SRBD1: variants seen among roughly 807,000 people sequenced by gnomAD.
SRBD1 encodes the protein S1 RNA-binding domain-containing protein 1.
A neutral mutation model predicts 115.3 loss-of-function variants in SRBD1; 88 were observed. That is an observed-to-expected ratio of 0.76 (90% CI 0.64 to 0.91). The LOEUF is 0.91. Ranked by LOEUF, SRBD1 falls within the 40% of genes least tolerant of loss-of-function variation. The pLI is 0.00. For synonymous variants in SRBD1, 509 were observed against 407.7 expected, an observed-to-expected ratio of 1.25 and a Z score of -2.99; for missense variants, 1,385 against 1,177.4, an observed-to-expected ratio of 1.18 and a Z score of -2.58.
chr2:45,466,303 T>C (rs1430499368), intron 16 of SRBD1, among the ~76,000 whole-genome samples: 1 of 152,068 alleles, frequency 6.6e-6, no homozygotes. Context: ...TCTCTGGAGC[T>C]CCTCTCCATT....
chr2:45,562,440 G>A (rs1368024590), intron 10 of SRBD1, among the ~76,000 whole-genome samples: 1 of 152,048 alleles, frequency 6.6e-6, no homozygotes, highest in Non-Finnish European at 1.5e-5. Flanking sequence ...CACCATCTTG[G>A]CCAGGCTCAT....
At chr2:45,428,555 A>AAAATAAATAAATAAATAAAT (rs986693164) in intron 16 of SRBD1, among the ~76,000 whole-genome samples, 2 of 150,370 alleles carry the variant, frequency 1.3e-5, no homozygotes, top group African/African-American at 5.0e-5. Context: ...CCGTCTCAAA[A>AAAATAAATAAATAAATAAAT]AAATAAATAA....
rs1343933667 is a variant in SRBD1, at chr2:45,447,856, G to C, written c.2050-27962C>G. The C allele has an allele frequency of 3.3e-5, 5 of 152,134 alleles. 1 individual carries two copies. Among genetic ancestry groups the C allele is most frequent in the Non-Finnish European group, 5.9e-5 (4 of 68,026 alleles). 9.4% of individuals were successfully genotyped at this position (152,134 alleles called of 1,614,324 possible). On this transcript the variant is annotated intron_variant, in intron 16 of 20. Coordinates refer to ENST00000263736, the MANE Select transcript of SRBD1 (RefSeq NM_018079.5). ...TATAAGTGTACCATTCCTTGGGGCA[G>C]AGAATATTTACATCAAGTTTCCATA...
At chr2:45,481,461 C>T (rs2103833019) in intron 15 of SRBD1, among the ~76,000 whole-genome samples, 1 of 152,038 alleles carries the variant, frequency 6.6e-6, no homozygotes, top group East Asian at 1.9e-4. Flanking sequence ...TGGCCCAAAA[C>T]TTAGGGAACG....
intron 14 of SRBD1, among the ~76,000 whole-genome samples, chr2:45,521,169 G>A (rs192810248): frequency 6.1e-4 from 92 of 151,984 alleles, no homozygotes; most frequent in African/African-American, 1.9e-3. Flanking sequence ...GAAGTCTCCC[G>A]TTCCAAATCC....
At chr2:45,406,313 A>C (rs773129624) in intron 19 of SRBD1, among the ~76,000 whole-genome samples, 3 of 152,180 alleles carry the variant, frequency 2.0e-5, no homozygotes, top group South Asian at 4.1e-4. Flanking sequence ...GGTAGTTTTG[A>C]GTTTTTTCAG....
chr2:45,435,728 G>T lies in SRBD1; in HGVS notation c.2050-15834C>A, dbSNP rs77519986. Among the ~76,000 whole-genome samples the T allele has an allele frequency of 0.015, 2,275 of 152,168 alleles. 68 individuals are homozygous for T. In the East Asian group the frequency reaches 0.16, roughly 10 times the overall value. On this transcript the variant is annotated intron_variant, in intron 16 of 20. Coordinates refer to ENST00000263736, the MANE Select transcript of SRBD1 (RefSeq NM_018079.5). Reference sequence around the variant, plus strand: ...CTGATACCCAGAAAGGGGTAGAAGTGAGCTATTCTAGTCCTGGAGAAAGGA... The same window carrying T: ...CTGATACCCAGAAAGGGGTAGAAGTTAGCTATTCTAGTCCTGGAGAAAGGA...
At chr2:45,414,787 T>TAGTGTGTATATAGTATGTACACACACAC (rs1558563525) in intron 18 of SRBD1, among the ~76,000 whole-genome samples, 13 of 64,000 alleles carry the variant, frequency 2.0e-4, no homozygotes, top group South Asian at 3.7e-4. Context: ...CACACACACA[T>TAGTGTGTATATAGTATGTACACACACAC]AGTGTGTATA....
rs542024331 is a variant in SRBD1, at chr2:45,518,809, T to C, written c.1874+27923A>G. Among the ~76,000 whole-genome samples, 4 of 152,138 alleles carry C rather than the reference T, an allele frequency of 2.6e-5. No homozygotes were observed. The South Asian group carries it at 6.2e-4, about 24-fold the overall frequency. On this transcript the variant is annotated intron_variant, in intron 14 of 20. Transcript: ENST00000263736. ...AACACAAATATCTAATTTGACTTGT[T>C]TTGTTTACGTTAATGAGGCAACAAT...
intron 16 of SRBD1, among the ~76,000 whole-genome samples, chr2:45,441,338 C>T (rs181207090): frequency 2.0e-5 from 3 of 152,334 alleles, no homozygotes; most frequent in African/African-American, 7.2e-5. Context: ...AAAACTCTGC[C>T]TCCCATACTG....
intron 14 of SRBD1, among the ~76,000 whole-genome samples, chr2:45,491,227 A>T (rs190759888): frequency 3.9e-5 from 6 of 152,316 alleles, no homozygotes; most frequent in Admixed American, 1.3e-4. Context: ...TTTCCAATAA[A>T]CTATTGGGAA....
At chr2:45,540,979 G>C (rs62128583) in intron 14 of SRBD1, among the ~76,000 whole-genome samples, 1 of 152,050 alleles carries the variant, frequency 6.6e-6, no homozygotes, top group Admixed American at 6.5e-5. Context: ...TGGTGCCTTT[G>C]TCCGAGTTTT....
Position 45,421,952 on chromosome 2 carries a change from G to T in SRBD1, c.2050-2058C>A, listed in dbSNP as rs186393561. On this transcript the variant is annotated intron_variant, in intron 16 of 20. Coordinates refer to ENST00000263736, the MANE Select transcript of SRBD1 (RefSeq NM_018079.5). The stretch of plus-strand genomic sequence containing the variant: ...AAACCTTAGATCTTACTGAGAACTT[G>T]GTTACTCTGAGCCACAGCTTTTAAG... 2.8e-3 allele frequency among the ~76,000 whole-genome samples: 427 copies of T among 152,236 alleles called. 2 individuals are homozygous for T. The highest frequency in any genetic ancestry group is 9.9e-3 in the African/African-American group (413 of 41,550).
intron 19 of SRBD1, among the ~76,000 whole-genome samples, chr2:45,401,197 C>T (rs1337414409): frequency 2.0e-5 from 3 of 152,176 alleles, no homozygotes; most frequent in Non-Finnish European, 4.4e-5. Context: ...CATGTAGTCC[C>T]AGCCACTAGG....
chr2:45,490,205 T>G (rs1169017314), intron 14 of SRBD1, among the ~76,000 whole-genome samples: 1 of 152,126 alleles, frequency 6.6e-6, no homozygotes, highest in South Asian at 2.1e-4. Context: ...TAATGTGATG[T>G]TAAAACTAAA....
Position 45,553,822 on chromosome 2 carries a change from G to T in SRBD1, c.1410-92C>A, listed in dbSNP as rs1672383222. ...AAAAGAAGGGAGATGGAATACAGAAGCGGGGAAAACCTTTATTGAAGCCAA... is the reference window on the plus strand; with the variant it reads ...AAAAGAAGGGAGATGGAATACAGAATCGGGGAAAACCTTTATTGAAGCCAA... On this transcript the variant is annotated intron_variant, in intron 10 of 20. Transcript: ENST00000263736. The T allele has an allele frequency of 6.8e-6, 5 of 733,286 alleles. No homozygotes were observed. In the African/African-American group the frequency reaches 7.1e-5, roughly 10 times the overall value. The allele number at this position is 733,286 out of a possible 1,614,324, so 45.4% of individuals were successfully genotyped here.
At chr2:45,552,689 T>C (rs1672340632) in intron 11 of SRBD1, among the ~76,000 whole-genome samples, 1 of 152,230 alleles carries the variant, frequency 6.6e-6, no homozygotes, top group Non-Finnish European at 1.5e-5. Flanking sequence ...CAGCTTGAAG[T>C]GAAATACAAT....
intron 16 of SRBD1, among the ~76,000 whole-genome samples, chr2:45,470,228 AT>A (rs945949806): frequency 6.6e-6 from 1 of 152,106 alleles, no homozygotes; most frequent in Admixed American, 6.5e-5. Context: ...TTTGTTTTTT[AT>A]TTTTTTGATT....
intron 12 of SRBD1, among the ~76,000 whole-genome samples, chr2:45,549,316 T>A (rs1672218388): frequency 6.6e-6 from 1 of 150,568 alleles, no homozygotes. Flanking sequence ...TTTTTAATGA[T>A]TTGGAAAAAA....
Sources: allele counts gnomAD v4.1 joint callset (sites outside exome capture counted in the v4.1 genomes callset), GRCh38; gene constraint gnomAD v4.1.1; transcripts MANE v1.5; gene names NCBI Gene and HGNC (gene_info 2026-07-23, HGNC 2026-07-21).